Variants in SORCS2 observed in about 807,000 individuals in gnomAD.
The protein encoded by SORCS2 is VPS10 domain-containing receptor SorCS2.
SORCS2 carries 100 observed loss-of-function variants against 141.6 expected under a neutral mutation model. The observed-to-expected ratio is 0.71, with a 90% CI of 0.60 to 0.83. SORCS2 has a LOEUF of 0.83. Ranked by LOEUF, SORCS2 falls within the 40% of genes least tolerant of loss-of-function variation. The probability of loss-of-function intolerance (pLI) is 0.00; values close to 1 mark genes in which losing one functional copy is unlikely to be tolerated. For missense variants in SORCS2, 1,646 were observed against 1,560.2 expected, an observed-to-expected ratio of 1.05 and a Z score of -0.93; for synonymous variants, 789 against 676.9, an observed-to-expected ratio of 1.17 and a Z score of -2.57.
Position 7,728,513 on chromosome 4 carries a change from C to T in SORCS2, c.2982+51C>T. 34 of 1,387,306 alleles carry T rather than the reference C, an allele frequency of 2.5e-5. No homozygotes were observed. The South Asian group carries it at 3.5e-4, about 14-fold the overall frequency. 85.9% of individuals were successfully genotyped at this position (1,387,306 alleles called of 1,614,324 possible). On this transcript the variant is annotated intron_variant, in intron 22 of 26. Coordinates refer to ENST00000507866, the MANE Select transcript of SORCS2 (RefSeq NM_020777.3). ...CCCAGCCCCACGGTGCTTCCGGCAT[C>T]CAGAGAAGCCCAAGGGCCCCGGGGT...
At chr4:7,497,611 G>A (rs761624470) in intron 2 of SORCS2, among the ~76,000 whole-genome samples, 12 of 152,278 alleles carry the variant, frequency 7.9e-5, no homozygotes, top group Non-Finnish European at 1.8e-4. Flanking sequence ...TCTGGTCCCT[G>A]CTGTATGTTG....
intron 3 of SORCS2, among the ~76,000 whole-genome samples, chr4:7,608,973 A>T (rs1290587981): frequency 6.6e-6 from 1 of 152,006 alleles, no homozygotes; most frequent in Non-Finnish European, 1.5e-5. Flanking sequence ...TCACTTCCCA[A>T]ATCCCTCTGT....
intron 1 of SORCS2, among the ~76,000 whole-genome samples, chr4:7,274,906 C>G (rs187851459): frequency 8.1e-4 from 124 of 152,278 alleles, no homozygotes; most frequent in African/African-American, 2.8e-3. Flanking sequence ...CTGGCTCTGA[C>G]AGCTGCAGCG....
At chr4:7,408,389 T>TTA (rs2109145931) in intron 2 of SORCS2, among the ~76,000 whole-genome samples, 1 of 152,008 alleles carries the variant, frequency 6.6e-6, no homozygotes, top group Non-Finnish European at 1.5e-5. Flanking sequence ...GATGACAGTT[T>TTA]TTTTTTTCTT....
chr4:7,508,499 C>G (rs147820656), intron 2 of SORCS2, among the ~76,000 whole-genome samples: 1 of 151,882 alleles, frequency 6.6e-6, no homozygotes, highest in Non-Finnish European at 1.5e-5. Flanking sequence ...TACTGGCATC[C>G]GCTAATTTTT....
intron 3 of SORCS2, among the ~76,000 whole-genome samples, chr4:7,578,191 C>A (rs181186078): frequency 6.6e-6 from 1 of 152,172 alleles, no homozygotes; most frequent in Non-Finnish European, 1.5e-5. Flanking sequence ...GGTCTCTTTG[C>A]GAACGATCAT....
intron 21 of SORCS2, among the ~76,000 whole-genome samples, chr4:7,727,448 G>A (rs1404389848): frequency 6.6e-6 from 1 of 151,860 alleles, no homozygotes; most frequent in African/African-American, 2.4e-5. Flanking sequence ...CCTTGTCAAG[G>A]AGGCAGAGCT....
intron 1 of SORCS2, among the ~76,000 whole-genome samples, chr4:7,344,195 C>T (rs919055394): frequency 2.0e-5 from 3 of 152,342 alleles, no homozygotes; most frequent in South Asian, 2.1e-4. Flanking sequence ...CATTTGCCCC[C>T]GCCATGCCCC....
intron 1 of SORCS2, among the ~76,000 whole-genome samples, chr4:7,346,181 G>A (rs1029074555): frequency 6.6e-6 from 1 of 152,090 alleles, no homozygotes; most frequent in Admixed American, 6.6e-5. Context: ...TTTAATACCA[G>A]CGTTTAAAGC....
chr4:7,712,850 G>A lies in SORCS2; in HGVS notation c.1986G>A (p.Leu662=). The stretch of plus-strand genomic sequence containing the variant: ...ACAGCTCCTGGGAGCTCTCCAACCT[G>A]CAGGTGGGCCGGCATGAGGCTGGGA... ...EDYSSWELSN[L]QGDRCIMGQQ... The change falls in exon 15 of 27, where the codon CTG becomes CTA. Residue 662 remains leucine, a synonymous_variant. Transcript: ENST00000507866. 6.2e-7 allele frequency: 1 copy of A among 1,613,754 alleles called. No homozygotes were observed. Among genetic ancestry groups the A allele is most frequent in the East Asian group, 2.2e-5 (1 of 44,880 alleles).
At chr4:7,481,185 C>T (rs933189333) in intron 2 of SORCS2, among the ~76,000 whole-genome samples, 1 of 152,252 alleles carries the variant, frequency 6.6e-6, no homozygotes, top group South Asian at 2.1e-4. Context: ...CACAGACTTT[C>T]CTGAGTGGCA....
rs112653916 is a variant in SORCS2 at position 7,235,024 on chromosome 4, G to T, written c.480+41898G>T. On this transcript the variant is annotated intron_variant, in intron 1 of 26. Coordinates refer to ENST00000507866, the MANE Select transcript of SORCS2 (RefSeq NM_020777.3). ...CAGAGCAGGAGCGAGTTGGGCACAG[G>T]GTGGAAACTGAGGCTGAGCATCTGG... 6.5e-3 allele frequency among the ~76,000 whole-genome samples: 986 copies of T among 152,322 alleles called. 9 individuals carry two copies. Among genetic ancestry groups the T allele is most frequent in the African/African-American group, 0.023 (945 of 41,580 alleles).
chr4:7,293,167 G>C (rs1193356221), intron 1 of SORCS2, among the ~76,000 whole-genome samples: 2 of 152,120 alleles, frequency 1.3e-5, no homozygotes, highest in Non-Finnish European at 2.9e-5. Context: ...AGCCAGGCAT[G>C]GTGGCGGGCA....
chr4:7,233,936 G>T lies in SORCS2; in HGVS notation c.480+40810G>T, dbSNP rs1254386129. Among the ~76,000 whole-genome samples, 1 of 152,190 alleles carries T rather than the reference G, an allele frequency of 6.6e-6. No individual in the cohort carries two copies. The highest frequency in any genetic ancestry group is 1.9e-4 in the East Asian group (1 of 5,190). The stretch of plus-strand genomic sequence containing the variant: ...GTTTCCGCATCTGTAAAAGGAGGCT[G>T]TTGGGCTCAGGAGCAAGATGGAAAG... On this transcript the variant is annotated intron_variant, in intron 1 of 26. Coordinates refer to ENST00000507866, the MANE Select transcript of SORCS2 (RefSeq NM_020777.3). The surrounding 1 kb of genome is among the most constrained non-coding windows in gnomAD (Gnocchi z 4.5).
intron 2 of SORCS2, among the ~76,000 whole-genome samples, chr4:7,421,526 G>T (rs1311785999): frequency 6.6e-6 from 1 of 152,180 alleles, no homozygotes; most frequent in Non-Finnish European, 1.5e-5. Flanking sequence ...CAGCGCCAGG[G>T]AATACTCGTC....
intron 1 of SORCS2, among the ~76,000 whole-genome samples, chr4:7,248,366 A>G (rs1315682116): frequency 6.6e-6 from 1 of 152,160 alleles, no homozygotes; most frequent in Admixed American, 6.5e-5. Flanking sequence ...TTCAGACATT[A>G]TAATCACCAC....
intron 2 of SORCS2, among the ~76,000 whole-genome samples, chr4:7,470,828 G>A (rs1729931935): frequency 6.6e-6 from 1 of 152,258 alleles, no homozygotes; most frequent in Non-Finnish European, 1.5e-5. Flanking sequence ...ACCTGCATGA[G>A]CTCATTGCTG....
chr4:7,728,153 G>A (rs1727351130), intron 21 of SORCS2, among the ~76,000 whole-genome samples, 197 bp from the exon 22 acceptor site: 1 of 152,212 alleles, frequency 6.6e-6, no homozygotes, highest in Non-Finnish European at 1.5e-5. Context: ...ATCCAGGGAA[G>A]GAGCTGGTTT....
At chr4:7,732,210 A>C (rs1711745399) in intron 23 of SORCS2, among the ~76,000 whole-genome samples, 3 of 152,224 alleles carry the variant, frequency 2.0e-5, no homozygotes, top group Non-Finnish European at 4.4e-5. Flanking sequence ...ACCATCTCGA[A>C]TCATCAGGGA....
Sources: gnomAD v4.1 joint callset for allele counts (sites outside exome capture counted in the v4.1 genomes callset) on GRCh38, gnomAD v4.1.1 for gene constraint, Gnocchi (gnomAD v3.1) non-coding constraint, MANE v1.5 for transcripts, NCBI Gene and HGNC (gene_info 2026-07-23, HGNC 2026-07-21) for gene names.